VPS45: variants seen among roughly 807,000 people sequenced by gnomAD.
VPS45 encodes the protein vacuolar protein sorting 45 homolog.
VPS45 carries 35 observed loss-of-function variants against 75.9 expected under a neutral mutation model. The ratio of observed to expected loss-of-function variants is 0.46; its 90% CI spans 0.35 to 0.61. The LOEUF is 0.61. Among genes scored for constraint, VPS45 ranks in the 20% least tolerant of loss-of-function variants. The pLI is 0.00. For missense variants in VPS45, 559 were observed against 685.9 expected (o/e 0.81, Z 2.07); for synonymous variants, 220 against 238.2 (o/e 0.92, Z 0.70).
chr1:150,122,988 CA>C (rs111687152), intron 14 of VPS45, among the ~76,000 whole-genome samples: 2,964 of 126,502 alleles, frequency 0.023, 88 homozygotes, highest in African/African-American at 0.082. Flanking sequence ...AACTCCTTCT[CA>C]AAAAAAAAAA....
chr1:150,091,571 C>G (rs1005425162), intron 10 of VPS45, among the ~76,000 whole-genome samples: 1 of 152,118 alleles, frequency 6.6e-6, no homozygotes, highest in Admixed American at 6.6e-5. Context: ...TAAGAGAAAG[C>G]AGTAGGTTTT....
At chr1:150,113,871 G>T (rs1657780297) in intron 14 of VPS45, among the ~76,000 whole-genome samples, 1 of 151,876 alleles carries the variant, frequency 6.6e-6, no homozygotes, top group Non-Finnish European at 1.5e-5. Context: ...TTCCAGCCTG[G>T]GTGACAGAGA....
chr1:150,125,481 C>T (rs762578446), intron 14 of VPS45, among the ~76,000 whole-genome samples: 1 of 151,138 alleles, frequency 6.6e-6, no homozygotes, highest in Non-Finnish European at 1.5e-5. Context: ...TAAAAAATGA[C>T]GAGTTCATGT....
At chr1:150,094,302 G>T (rs1571853442) in intron 13 of VPS45, among the ~76,000 whole-genome samples, 1 of 151,920 alleles carries the variant, frequency 6.6e-6, no homozygotes, top group Admixed American at 6.6e-5. Context: ...TATCTAAGGG[G>T]CTAACATATA....
chr1:150,092,554 C>T (rs1656390609), intron 12 of VPS45, 145 bp downstream of exon 12: 1 of 597,122 alleles, frequency 1.7e-6, no homozygotes, highest in Non-Finnish European at 2.7e-6. Context: ...AACTGGCATC[C>T]TCTTGAAAGC....
rs140024780 is a variant in VPS45, at chr1:150,079,171, C to T, written c.687+1392C>T. Among the ~76,000 whole-genome samples, 648 of 151,524 alleles carry T rather than the reference C, an allele frequency of 4.3e-3. 2 individuals carry two copies. The highest frequency in any genetic ancestry group is 0.034 in the Middle Eastern group (10 of 290). ...AACATCCAGCCATTCTTCAACATCT[C>T]GAAGCCTGTATTCTTTCAGTCAGAT... On this transcript the variant is annotated intron_variant, in intron 7 of 14. Transcript: ENST00000644510.
At chr1:150,115,352 T>A (rs1478944416) in intron 14 of VPS45, among the ~76,000 whole-genome samples, 2 of 152,236 alleles carry the variant, frequency 1.3e-5, no homozygotes, top group African/African-American at 4.8e-5. Flanking sequence ...ATATTATATT[T>A]TTATGCTCAC....
rs1553806996 is a variant in VPS45, at chr1:150,110,575, A to G, written c.1573A>G (p.Thr525Ala). ...ALTVYNLNRT[T>A]PGVRIVLGGT... Reference sequence around the variant, plus strand: ...AACAGTTTATAACCTGAACCGCACCACTCCTGGAGTGAGGATTGTCCTGGG... The same window carrying G: ...AACAGTTTATAACCTGAACCGCACCGCTCCTGGAGTGAGGATTGTCCTGGG... The change falls in exon 14 of 15, where the codon ACT (threonine) becomes GCT (alanine). Residue 525 changes from threonine to alanine, a missense_variant. Physicochemically the swap from Thr to Ala is moderately conservative, Grantham distance 58. Transcript: ENST00000644510. The G allele has an allele frequency of 4.3e-6, 7 of 1,613,512 alleles. No individual in the cohort carries two copies. In the South Asian group the frequency reaches 7.7e-5, roughly 18 times the overall value.
intron 3 of VPS45, 100 bp downstream of exon 3, chr1:150,072,326 C>T (rs1553797237): frequency 2.4e-6 from 2 of 834,700 alleles, no homozygotes; most frequent in African/African-American, 3.5e-5. Flanking sequence ...GAATCTGTCA[C>T]TATAAAAGTC....
At chr1:150,089,296 T>A (rs1282453046) in intron 10 of VPS45, among the ~76,000 whole-genome samples, 2 of 152,182 alleles carry the variant, frequency 1.3e-5, no homozygotes, top group Non-Finnish European at 2.9e-5. Flanking sequence ...ACATTGTGCC[T>A]ATAAGAAAAG....
intron 14 of VPS45, among the ~76,000 whole-genome samples, chr1:150,115,396 G>A (rs60442181): frequency 0.022 from 3,279 of 152,166 alleles, 96 homozygotes; most frequent in African/African-American, 0.074. Context: ...AAATTTGCCT[G>A]ATGTTTTTGT....
intron 13 of VPS45, among the ~76,000 whole-genome samples, chr1:150,107,153 G>GCATTT (rs1553805962): frequency 6.6e-6 from 1 of 152,012 alleles, no homozygotes; most frequent in Non-Finnish European, 1.5e-5. Flanking sequence ...CATTCTACAT[G>GCATTT]ATCTCCCTAG....
At chr1:150,133,230 G>C (rs1358970997) in intron 14 of VPS45, among the ~76,000 whole-genome samples, 1 of 152,014 alleles carries the variant, frequency 6.6e-6, no homozygotes, top group Non-Finnish European at 1.5e-5. Flanking sequence ...CTCCTTTGGG[G>C]CCCCCCAGAG....
At chr1:150,068,970 T>C (rs1654878068) in intron 2 of VPS45, 3 of 539,296 alleles carry the variant, frequency 5.6e-6, no homozygotes, top group Non-Finnish European at 9.3e-6. Context: ...TCAAGATGTT[T>C]TTTAGGTTCA....
chr1:150,118,001 CG>C (rs1658031096), intron 14 of VPS45, among the ~76,000 whole-genome samples: 1 of 151,770 alleles, frequency 6.6e-6, no homozygotes, highest in Non-Finnish European at 1.5e-5. Context: ...GGGCTGGGCA[CG>C]GTGGCTCACG....
At chr1:150,128,907 T>C (rs1553811556) in intron 14 of VPS45, among the ~76,000 whole-genome samples, 1 of 152,128 alleles carries the variant, frequency 6.6e-6, no homozygotes, top group African/African-American at 2.4e-5. Context: ...GCCTGGCTAA[T>C]TATTTTTGTA....
chr1:150,081,244 CTAGT>C (rs1322860177), intron 7 of VPS45, 94 bp from the exon 8 acceptor site: 53 of 1,166,654 alleles, frequency 4.5e-5, no homozygotes, highest in South Asian at 9.8e-5. Flanking sequence ...GTAAAGAAGA[CTAGT>C]TAAAGAATGT....
intron 14 of VPS45, among the ~76,000 whole-genome samples, chr1:150,133,625 G>A (rs1280191577): frequency 3.3e-5 from 5 of 152,110 alleles, no homozygotes; most frequent in African/African-American, 1.2e-4. Context: ...TTGGGGCTTC[G>A]TTTCTTGCAT....
intron 10 of VPS45, among the ~76,000 whole-genome samples, chr1:150,088,162 A>G (rs1246877324): frequency 6.6e-6 from 1 of 152,164 alleles, no homozygotes; most frequent in African/African-American, 2.4e-5. Flanking sequence ...ATAGAACACC[A>G]GAACATATTC....
Sources: allele counts gnomAD v4.1 joint callset (sites outside exome capture counted in the v4.1 genomes callset), GRCh38; gene constraint gnomAD v4.1.1; transcripts MANE v1.5; gene names NCBI Gene and HGNC (gene_info 2026-07-23, HGNC 2026-07-21).